The following BABAM2 variants were observed in gnomAD, a reference collection of about 807,000 sequenced individuals.
BABAM2 encodes BRISC and BRCA1-A complex member 2.
In BABAM2, 31 loss-of-function variants were observed where a neutral mutation model predicts 54.7. The observed-to-expected ratio is 0.57, with a 90% CI of 0.43 to 0.77. The LOEUF (loss-of-function observed/expected upper bound fraction) is 0.77, where lower values mean the gene tolerates loss of function less well. Ranked by LOEUF, BABAM2 falls within the 30% of genes least tolerant of loss-of-function variation. The pLI, the probability that BABAM2 is intolerant of heterozygous loss-of-function variation, is 0.00. For synonymous variants in BABAM2, 167 were observed against 162.9 expected (o/e 1.03, Z -0.19); for missense variants, 364 against 455.8 (o/e 0.80, Z 1.83).
intron 5 of BABAM2, among the ~76,000 whole-genome samples, chr2:28,026,961 T>A (rs1376647938): frequency 2.4e-5 from 2 of 83,218 alleles, no homozygotes; most frequent in Non-Finnish European, 4.2e-5. Context: ...TATATATAAA[T>A]ATATATATAA....
intron 7 of BABAM2, among the ~76,000 whole-genome samples, chr2:28,165,103 A>T (rs998839349): frequency 6.6e-5 from 10 of 152,210 alleles, no homozygotes; most frequent in African/African-American, 2.4e-4. Flanking sequence ...TGATAAGCAA[A>T]AACAGACATC....
At chr2:27,915,580 A>G (rs1401918259) in intron 2 of BABAM2, among the ~76,000 whole-genome samples, 1 of 152,236 alleles carries the variant, frequency 6.6e-6, no homozygotes, top group Non-Finnish European at 1.5e-5. Context: ...TGGATGGCAC[A>G]CTTATCCCAT....
intron 6 of BABAM2, among the ~76,000 whole-genome samples, chr2:28,059,133 T>C (rs986248381): frequency 6.6e-6 from 1 of 152,212 alleles, no homozygotes; most frequent in African/African-American, 2.4e-5. Flanking sequence ...ATTTCCAGAA[T>C]TTGGCATAGG....
At chr2:28,064,591 C>T (rs961135063) in intron 6 of BABAM2, among the ~76,000 whole-genome samples, 9 of 152,108 alleles carry the variant, frequency 5.9e-5, no homozygotes, top group Non-Finnish European at 4.4e-5. Flanking sequence ...CTCTAATGTT[C>T]AATTGATACT....
At chr2:27,941,574 A>G (rs1668889734) in intron 3 of BABAM2, among the ~76,000 whole-genome samples, 1 of 152,076 alleles carries the variant, frequency 6.6e-6, no homozygotes, top group Non-Finnish European at 1.5e-5. Context: ...AAAAAGAGCA[A>G]TATAGTTGTT....
intron 4 of BABAM2, among the ~76,000 whole-genome samples, chr2:28,003,110 T>C (rs1414268577): frequency 2.0e-5 from 3 of 152,346 alleles, no homozygotes; most frequent in East Asian, 3.9e-4. Flanking sequence ...TAGAATTATG[T>C]GACTTCTTGG....
intron 2 of BABAM2, among the ~76,000 whole-genome samples, chr2:27,907,818 A>G (rs867348545): frequency 1.3e-5 from 2 of 152,304 alleles, no homozygotes; most frequent in African/African-American, 4.8e-5. Flanking sequence ...ACTTAGCATA[A>G]TATCTTCAAG....
chr2:28,220,797 T>A (rs1238710083), intron 7 of BABAM2, among the ~76,000 whole-genome samples: 1 of 152,068 alleles, frequency 6.6e-6, no homozygotes, highest in Admixed American at 6.5e-5. Flanking sequence ...GGTGTGATGC[T>A]TGTAGTCCCA....
chr2:28,255,327 G>A (rs1256934837), intron 10 of BABAM2, among the ~76,000 whole-genome samples: 1 of 152,124 alleles, frequency 6.6e-6, no homozygotes, highest in East Asian at 1.9e-4. Flanking sequence ...AGGCTGGAGT[G>A]CAGTGGTGCA....
At chr2:28,155,120 C>T (rs1379934473) in intron 7 of BABAM2, among the ~76,000 whole-genome samples, 1 of 151,958 alleles carries the variant, frequency 6.6e-6, no homozygotes, top group African/African-American at 2.4e-5. Flanking sequence ...AAGGTCGGCA[C>T]CTCAGAAAAG....
At chr2:27,930,000 G>T (rs1667979316) in intron 3 of BABAM2, 92 bp downstream of exon 3, 12 of 1,167,582 alleles carry the variant, frequency 1.0e-5, no homozygotes, top group Non-Finnish European at 1.5e-5. Context: ...GCTGTTAGTT[G>T]TTATCTCCTA....
At chr2:28,216,877 T>C (rs1013330046) in intron 7 of BABAM2, among the ~76,000 whole-genome samples, 5 of 152,234 alleles carry the variant, frequency 3.3e-5, no homozygotes, top group African/African-American at 1.2e-4. Context: ...TTGGCCACAC[T>C]GGCCCCTTTC....
chr2:27,913,096 A>C (rs1194762413), intron 2 of BABAM2, among the ~76,000 whole-genome samples: 2 of 152,198 alleles, frequency 1.3e-5, no homozygotes, highest in African/African-American at 4.8e-5. Flanking sequence ...GATTAAAAAA[A>C]ATGTAGCTGG....
chr2:27,901,893 G>A (rs1665819583), intron 2 of BABAM2, among the ~76,000 whole-genome samples: 2 of 151,782 alleles, frequency 1.3e-5, no homozygotes, highest in Admixed American at 6.6e-5. Context: ...GTATTATTTT[G>A]CGTGTTTAAA....
chr2:28,236,826 T>G (rs1016078527), intron 7 of BABAM2, among the ~76,000 whole-genome samples: 36 of 152,170 alleles, frequency 2.4e-4, no homozygotes, highest in Admixed American at 2.1e-3. Flanking sequence ...GCAATTCATT[T>G]TAGTTCAGTT....
intron 7 of BABAM2, among the ~76,000 whole-genome samples, chr2:28,174,136 T>G (rs190558813): frequency 1.3e-4 from 20 of 152,320 alleles, no homozygotes; most frequent in Admixed American, 2.0e-4. Context: ...GAAGCACATT[T>G]CTCTGAATAG....
chr2:28,254,195 A>G (rs1683750023), intron 10 of BABAM2, among the ~76,000 whole-genome samples: 1 of 152,140 alleles, frequency 6.6e-6, no homozygotes, highest in South Asian at 2.1e-4. Context: ...TATCCTCTTC[A>G]TTGTTGATCT....
intron 9 of BABAM2, among the ~76,000 whole-genome samples, chr2:28,242,132 C>G (rs1682500872): frequency 6.6e-6 from 1 of 152,126 alleles, no homozygotes; most frequent in African/African-American, 2.4e-5. Context: ...AGTCGCGCCC[C>G]TAGAAGAAGT....
intron 4 of BABAM2, among the ~76,000 whole-genome samples, chr2:28,010,624 A>AT (rs961565530): frequency 9.9e-5 from 15 of 151,636 alleles, no homozygotes; most frequent in Admixed American, 2.0e-4. Context: ...CTTTATTTCC[A>AT]TTTTTTTTAA....
Sources: allele counts gnomAD v4.1 joint callset (sites outside exome capture counted in the v4.1 genomes callset), GRCh38; gene constraint gnomAD v4.1.1; transcripts MANE v1.5; gene names NCBI Gene and HGNC (gene_info 2026-07-23, HGNC 2026-07-21).